CROCC: variants seen among roughly 807,000 people sequenced by gnomAD.
CROCC encodes the protein rootletin.
Under a neutral mutation model 245.2 loss-of-function variants are expected in CROCC, and 180 were observed. That is an observed-to-expected ratio of 0.73 (90% CI 0.65 to 0.83). CROCC has a LOEUF of 0.83. Ranked by LOEUF, CROCC falls within the 40% of genes least tolerant of loss-of-function variation. CROCC has a pLI of 0.00. For synonymous variants in CROCC, 1,205 were observed against 1,241.6 expected (o/e 0.97, Z 0.62); for missense variants, 2,688 against 2,779.4 (o/e 0.97, Z 0.74).
At chr1:16,959,710 G>A (rs1254873379) in intron 26 of CROCC, among the ~76,000 whole-genome samples, 2 of 152,152 alleles carry the variant, frequency 1.3e-5, no homozygotes, top group Non-Finnish European at 2.9e-5. Context: ...CCCCCATTGT[G>A]TGCAAATTTA....
chr1:16,968,162 G>A, intron 30 of CROCC, 41 bp from the exon 31 acceptor site: 1 of 1,536,418 alleles, frequency 6.5e-7, no homozygotes, highest in Non-Finnish European at 8.8e-7. Flanking sequence ...GGGCTGCGGG[G>A]TGCACTGGAC....
intron 8 of CROCC, among the ~76,000 whole-genome samples, chr1:16,935,450 TCA>T (rs2075767557): frequency 6.6e-6 from 1 of 152,272 alleles, no homozygotes; most frequent in Admixed American, 6.5e-5. Context: ...AGACATAGTC[TCA>T]CTCTGTCGCC....
At chr1:16,938,535 TCC>T in intron 11 of CROCC, 52 bp downstream of exon 11, 1 of 1,478,226 alleles carries the variant, frequency 6.8e-7, no homozygotes, top group East Asian at 2.5e-5. Flanking sequence ...AGTCCCAGGC[TCC>T]CCCGCCACGT....
chr1:16,971,961 G>A (rs2076529072), intron 36 of CROCC, among the ~76,000 whole-genome samples: 1 of 152,198 alleles, frequency 6.6e-6, no homozygotes, highest in Non-Finnish European at 1.5e-5. Flanking sequence ...AAGAGAGCAG[G>A]GGCAGAAGTC....
At chr1:16,965,926 C>T (rs543668647) in intron 28 of CROCC, 34 bp downstream of exon 28, 1 of 1,605,306 alleles carries the variant, frequency 6.2e-7, no homozygotes, top group Non-Finnish European at 8.5e-7. Flanking sequence ...GATGGGGAAC[C>T]TGGAGGGCCC....
chr1:16,961,332 T>C (rs563259141), intron 27 of CROCC, among the ~76,000 whole-genome samples: 1 of 151,714 alleles, frequency 6.6e-6, no homozygotes, highest in African/African-American at 2.4e-5. Context: ...CAAGGGCGCT[T>C]CTTTTTTCTT....
chr1:16,969,135 A>C lies in CROCC; in HGVS notation c.5096A>C (p.Lys1699Thr). The C allele has an allele frequency of 6.2e-7, 1 of 1,605,452 alleles. No individual in the cohort carries two copies. Among genetic ancestry groups the C allele is most frequent in the South Asian group, 1.1e-5 (1 of 89,304 alleles). Residue 1699 changes from lysine (K) to threonine (T), a missense_variant, in exon 32 of 37, where the codon AAG becomes ACG. By Grantham distance (78) the Lys-to-Thr change is moderately conservative. This residue lies in a region of CROCC where 1,218 missense variants were observed against 1,286.3 expected (regional missense o/e 0.95). Transcript: ENST00000375541. ...TGCCAGGTGGCCGACAGCGAGGTGA[A>C]GGCAGGGACCCTGCAGCTGACCGTG... is the stretch of plus-strand genomic sequence containing the variant. ...LQRQVADSEV[K>T]AGTLQLTVER...
chr1:16,952,982 G>A, intron 20 of CROCC: 1 of 310,164 alleles, frequency 3.2e-6, no homozygotes, highest in Non-Finnish European at 6.2e-6. Context: ...GTTCCCCTCT[G>A]CACCCTGCAT....
Position 16,961,037 on chromosome 1 carries a change from T to C in CROCC, c.4312T>C (p.Ser1438Pro). 2 of 1,315,248 alleles carry C rather than the reference T, an allele frequency of 1.5e-6. 1 individual carries two copies. The highest frequency in any genetic ancestry group is 4.3e-5 in the South Asian group (2 of 46,268). The allele number at this position is 1,315,248 out of a possible 1,614,324, so 81.5% of individuals were successfully genotyped here. A position where few individuals can be genotyped will look rare whatever the true frequency, so the allele number is the denominator to read the frequency against. The change falls in exon 27 of 37, where the codon TCG (serine) becomes CCG (proline). Residue 1438 changes from serine (S) to proline (P), a missense_variant. Ser to Pro is a moderately conservative substitution (Grantham distance 74, BLOSUM62 -1). Around this residue, in one of 9 missense-constraint regions of CROCC, gnomAD observed 1,218 missense variants for 1,286.3 expected, o/e 0.95. Transcript: ENST00000375541. ...GGAGGCCCAGCTGGGTGGCCTGCGC[T>C]CGGCTCTGCGCCGGGGCCTCGGCCT... is the stretch of plus-strand genomic sequence containing the variant. ...AAEAQLGGLR[S>P]ALRRGLGLGR...
At chr1:16,928,536 G>C (rs2075588707) in intron 3 of CROCC, among the ~76,000 whole-genome samples, 1 of 152,156 alleles carries the variant, frequency 6.6e-6, no homozygotes, top group African/African-American at 2.4e-5. Context: ...GGATGCTGTG[G>C]CTCACACCTG....
At chr1:16,951,364 G>C in intron 20 of CROCC, 1 of 364,076 alleles carries the variant, frequency 2.7e-6, no homozygotes. Flanking sequence ...ACCACATTTG[G>C]GAAATACTGA....
At chr1:16,925,179 T>G (rs555966060) in intron 3 of CROCC, among the ~76,000 whole-genome samples, 1 of 152,214 alleles carries the variant, frequency 6.6e-6, no homozygotes, top group Admixed American at 6.5e-5. Context: ...GGCTGAAGAT[T>G]GGTAAGGGAC....
In CROCC at chr1:16,924,155, C is replaced by A. The variant is rs60010630; in HGVS notation, c.197-170C>A. ...GTTCACTTTACGTCCAGCTTTGTAT[C>A]CCCTCCTTGCCTTCCTCCCTGTTCT... On this transcript the variant is annotated intron_variant, in intron 2 of 36. Transcript: ENST00000375541. Among the ~76,000 whole-genome samples the A allele has an allele frequency of 1.6e-4, 25 of 152,232 alleles. No homozygotes were observed. The East Asian group carries it at 3.1e-3, about 19-fold the overall frequency.
Position 16,954,367 on chromosome 1 carries a change from G to T in CROCC, c.3321+10G>T. 6.2e-7 allele frequency: 1 copy of T among 1,606,034 alleles called. No individual in the cohort carries two copies. On this transcript the variant is annotated intron_variant, in intron 22 of 36. Transcript: ENST00000375541. The surrounding 1 kb of genome is among the most constrained non-coding windows in gnomAD (Gnocchi z 4.4). ...GCAGGAGCAGGACCGGGTAGGGCAG[G>T]CTGGGCAGCTGGGCCTCTGTCTCAT...
In CROCC at chr1:16,954,619, C is replaced by T; in HGVS notation, c.3322-115C>T. 1 of 1,382,314 alleles carries T rather than the reference C, an allele frequency of 7.2e-7. No individual in the cohort carries two copies. The highest frequency in any genetic ancestry group is 9.7e-7 in the Non-Finnish European group (1 of 1,034,774). 85.6% of individuals were successfully genotyped at this position (1,382,314 alleles called of 1,614,324 possible). ...AGGGGTTGGCAGAGGGTCCGGCAGG[C>T]CAGCGGGAGGGGCCGTGTTTAGAGC... is the stretch of plus-strand genomic sequence containing the variant. On this transcript the variant is annotated intron_variant, in intron 22 of 36. Transcript: ENST00000375541. This position sits in a 1 kb window ranked among gnomAD's most constrained non-coding sequence, Gnocchi z 4.4.
At chr1:16,971,141 C>T (rs1188553830) in intron 35 of CROCC, among the ~76,000 whole-genome samples, 3 of 152,030 alleles carry the variant, frequency 2.0e-5, no homozygotes, top group Non-Finnish European at 4.4e-5. Context: ...TTTGCACATA[C>T]ACATGCACCT....
At chr1:16,938,567 GAA>G (rs1261182106) in intron 11 of CROCC, 84 bp downstream of exon 11, 23 of 1,297,974 alleles carry the variant, frequency 1.8e-5, no homozygotes, top group Non-Finnish European at 2.4e-5. Context: ...ACCTGGGACT[GAA>G]CTGCAAATGG....
At chr1:16,936,972 C>T (rs2075805058) in intron 9 of CROCC, 99 bp downstream of exon 9, 7 of 1,257,772 alleles carry the variant, frequency 5.6e-6, no homozygotes, top group Non-Finnish European at 6.8e-6. Flanking sequence ...GGGGAAGGGC[C>T]TTCCTCTGTG....
At chr1:16,958,848 T>A in intron 26 of CROCC, 98 bp downstream of exon 26, 2 of 1,356,134 alleles carry the variant, frequency 1.5e-6, no homozygotes, top group South Asian at 2.8e-5. Context: ...GGCCACTCCC[T>A]AGGGCTTGCT....
Sources: allele counts gnomAD v4.1 joint callset (sites outside exome capture counted in the v4.1 genomes callset), GRCh38; gene constraint gnomAD v4.1.1; regional missense constraint gnomAD v4.1.1; non-coding constraint Gnocchi (gnomAD v3.1); transcripts MANE v1.5; gene names NCBI Gene and HGNC (gene_info 2026-07-23, HGNC 2026-07-21).